Variants in ADCY2 observed in about 807,000 individuals in gnomAD.
ADCY2 encodes the protein adenylate cyclase 2.
In ADCY2, 31 loss-of-function variants were observed where a neutral mutation model predicts 125.2. That is an observed-to-expected ratio of 0.25 (90% confidence interval 0.19 to 0.33). The LOEUF (loss-of-function observed/expected upper bound fraction) is 0.33, where lower values mean the gene tolerates loss of function less well. Among genes scored for constraint, ADCY2 ranks in the 10% least tolerant of loss-of-function variants. The pLI, the probability that ADCY2 is intolerant of heterozygous loss-of-function variation, is 1.00. For missense variants in ADCY2, 904 were observed against 1,418.2 expected, an observed-to-expected ratio of 0.64 and a Z score of 5.82; for synonymous variants, 512 against 548.4, an observed-to-expected ratio of 0.93 and a Z score of 0.93.
Position 7,712,917 on chromosome 5 carries a change from C to T in ADCY2, c.1622+18C>T. Reference sequence around the variant, plus strand: ...ACCTTAAGGTATGGTATCTCTCTATCTGATTTTTTAAAGCTTATTGCTCTT... The same window carrying T: ...ACCTTAAGGTATGGTATCTCTCTATTTGATTTTTTAAAGCTTATTGCTCTT... On this transcript the variant is annotated intron_variant, in intron 11 of 24. Transcript: ENST00000338316. 1 of 1,577,008 alleles carries T rather than the reference C, an allele frequency of 6.3e-7. No individual in the cohort carries two copies. The highest frequency in any genetic ancestry group is 8.7e-7 in the Non-Finnish European group (1 of 1,148,268).
chr5:7,757,583 C>T lies in ADCY2; in HGVS notation c.2091C>T (p.Asn697=). 2 of 1,565,722 alleles carry T rather than the reference C, an allele frequency of 1.3e-6. No individual in the cohort carries two copies. Among genetic ancestry groups the T allele is most frequent in the Non-Finnish European group, 8.7e-7 (1 of 1,143,846 alleles). Reference sequence around the variant, plus strand: ...TCATATTAATGATGGCCGTGTTCAACATGGTAAGTCCCAGAGCACGGCCGT... The same window carrying T: ...TCATATTAATGATGGCCGTGTTCAATATGGTAAGTCCCAGAGCACGGCCGT... ...TAIILMMAVF[N]MFFLSDSEET... The change falls in exon 16 of 25, where the codon AAC becomes AAT. Residue 697 remains asparagine (N), a synonymous_variant. Coordinates refer to ENST00000338316, the MANE Select transcript of ADCY2 (RefSeq NM_020546.3).
In ADCY2 at chr5:7,690,761, TGCAGGGCCCCAAG is replaced by T; in HGVS notation, c.794_806del (p.Gln265ArgfsTer15). On this transcript the variant is annotated frameshift_variant, in exon 5 of 25. Coordinates refer to ENST00000338316, the MANE Select transcript of ADCY2 (RefSeq NM_020546.3). LOFTEE classifies it high-confidence loss of function. ...ATGAAAGCGGAGATCATCCAGAGGC[TGCAGGGCCCCAAG>T]GCGGGCCAGATGGAGAACACAAATA... 1.2e-6 allele frequency: 2 copies of T among 1,610,952 alleles called. No individual in the cohort carries two copies. Among genetic ancestry groups the T allele is most frequent in the Non-Finnish European group, 1.7e-6 (2 of 1,178,822 alleles).
intron 3 of ADCY2, among the ~76,000 whole-genome samples, chr5:7,552,596 T>C (rs185083748): frequency 1.3e-5 from 2 of 152,240 alleles, no homozygotes; most frequent in Admixed American, 1.3e-4. Flanking sequence ...TTGTTAAAAC[T>C]GTTCTGTGGC....
chr5:7,442,526 T>G (rs1481051871), intron 2 of ADCY2, among the ~76,000 whole-genome samples: 1 of 152,166 alleles, frequency 6.6e-6, no homozygotes, highest in African/African-American at 2.4e-5. Context: ...AGCGTGTCTT[T>G]CTGTCCCAGT....
chr5:7,606,841 T>C (rs972356971), intron 3 of ADCY2, among the ~76,000 whole-genome samples: 5 of 152,238 alleles, frequency 3.3e-5, no homozygotes, highest in Non-Finnish European at 7.3e-5. Flanking sequence ...AGAGTGTTTT[T>C]TTTAAATATT....
intron 4 of ADCY2, among the ~76,000 whole-genome samples, chr5:7,680,874 G>T (rs1167169620): frequency 1.3e-4 from 20 of 152,142 alleles, no homozygotes; most frequent in Non-Finnish European, 2.9e-5. Context: ...AAGCTTAGAA[G>T]GAGGAGTCCC....
At chr5:7,517,633 T>A (rs181947588) in intron 2 of ADCY2, among the ~76,000 whole-genome samples, 2 of 152,194 alleles carry the variant, frequency 1.3e-5, no homozygotes, top group Non-Finnish European at 2.9e-5. Flanking sequence ...TAATGCAATT[T>A]GCGCAATTGA....
At chr5:7,545,514 C>G (rs552389153) in intron 3 of ADCY2, among the ~76,000 whole-genome samples, 1 of 152,180 alleles carries the variant, frequency 6.6e-6, no homozygotes, top group African/African-American at 2.4e-5. Flanking sequence ...AACAAGCACC[C>G]ATTCTGCTCT....
chr5:7,408,879 G>T (rs1739604148), intron 1 of ADCY2, among the ~76,000 whole-genome samples: 1 of 152,060 alleles, frequency 6.6e-6, no homozygotes, highest in Admixed American at 6.5e-5. Flanking sequence ...CCATTACTGG[G>T]TATATACCCA....
At chr5:7,752,097 C>G (rs1742844879) in intron 15 of ADCY2, among the ~76,000 whole-genome samples, 1 of 152,112 alleles carries the variant, frequency 6.6e-6, no homozygotes, top group South Asian at 2.1e-4. Context: ...CCCAGTGGAG[C>G]AACAGTGCAG....
At chr5:7,624,341 A>G (rs1738053776) in intron 3 of ADCY2, among the ~76,000 whole-genome samples, 1 of 152,074 alleles carries the variant, frequency 6.6e-6, no homozygotes, top group Non-Finnish European at 1.5e-5. Context: ...TGGAGAGTAC[A>G]GTTAGGAATA....
At chr5:7,696,291 C>G (rs1740889831) in intron 6 of ADCY2, among the ~76,000 whole-genome samples, 1 of 152,114 alleles carries the variant, frequency 6.6e-6, no homozygotes, top group South Asian at 2.1e-4. Context: ...TGGAAGAGTT[C>G]CTGAAATAGA....
chr5:7,767,951 A>G (rs1024259773), intron 17 of ADCY2, among the ~76,000 whole-genome samples: 8 of 152,128 alleles, frequency 5.3e-5, no homozygotes, highest in African/African-American at 1.9e-4. Flanking sequence ...TAATGGCATG[A>G]ACCTGGGAGG....
chr5:7,639,305 T>G (rs1738614777), intron 4 of ADCY2, among the ~76,000 whole-genome samples: 1 of 152,228 alleles, frequency 6.6e-6, no homozygotes. Flanking sequence ...TCTCTTGCTC[T>G]CTCGCTGAGC....
chr5:7,827,188 T>A lies in ADCY2; in HGVS notation c.*317T>A, dbSNP rs2126547637. 3.9e-6 allele frequency: 1 copy of A among 256,926 alleles called. No individual in the cohort carries two copies. The highest frequency in any genetic ancestry group is 2.2e-5 in the African/African-American group (1 of 45,070). The allele number at this position is 256,926 out of a possible 1,614,324, so 15.9% of individuals were successfully genotyped here. ...TAAGGCAATAAAACTAGGGGGTGTA[T>A]ATTATCTTCTGGTGCATGTTCTTTT... On this transcript the variant is annotated 3_prime_UTR_variant, in exon 25 of 25. Transcript: ENST00000338316.
chr5:7,758,432 G>A (rs2126460431), intron 16 of ADCY2, among the ~76,000 whole-genome samples: 2 of 152,366 alleles, frequency 1.3e-5, no homozygotes, highest in Middle Eastern at 3.4e-3. Context: ...TGTGGGAAAT[G>A]CAGTGTTAGG....
intron 2 of ADCY2, among the ~76,000 whole-genome samples, chr5:7,436,063 C>A (rs1740787751): frequency 6.6e-6 from 1 of 152,090 alleles, no homozygotes. Flanking sequence ...CTTTGTAACT[C>A]CAAAATTAAT....
chr5:7,547,441 A>T (rs1183166039), intron 3 of ADCY2, among the ~76,000 whole-genome samples: 1 of 152,172 alleles, frequency 6.6e-6, no homozygotes, highest in Admixed American at 6.5e-5. Flanking sequence ...AGTCATAGGT[A>T]TGGGTCTCGC....
intron 4 of ADCY2, among the ~76,000 whole-genome samples, chr5:7,684,675 G>A (rs1011016914): frequency 5.9e-5 from 9 of 152,048 alleles, no homozygotes; most frequent in African/African-American, 2.2e-4. Flanking sequence ...GATGGAAAGA[G>A]CTGGCTGTGA....
Sources: gnomAD v4.1 joint callset for allele counts (sites outside exome capture counted in the v4.1 genomes callset) on GRCh38, gnomAD v4.1.1 for gene constraint, MANE v1.5 for transcripts, NCBI Gene and HGNC (gene_info 2026-07-23, HGNC 2026-07-21) for gene names.